The following STK32B variants were observed in gnomAD, a reference collection of about 807,000 sequenced individuals.
The protein encoded by STK32B is serine/threonine-protein kinase 32B.
STK32B carries 43 observed loss-of-function variants against 52.6 expected under a neutral mutation model. The observed-to-expected ratio is 0.82, with a 90% CI of 0.64 to 1.05. The LOEUF (loss-of-function observed/expected upper bound fraction) is 1.05, where lower values mean the gene tolerates loss of function less well. Among genes scored for constraint, STK32B ranks in the 50% least tolerant of loss-of-function variants. STK32B has a pLI of 0.00. For synonymous variants in STK32B, 238 were observed against 204.3 expected (o/e 1.17, Z -1.41); for missense variants, 621 against 534.6 (o/e 1.16, Z -1.59).
At chr4:5,042,900 A>G in the STK32B span, among the ~76,000 whole-genome samples, 1 of 151,752 alleles carries the variant, frequency 6.6e-6, no homozygotes, top group Non-Finnish European at 1.5e-5. Flanking sequence ...AGGTCAGGAG[A>G]TCGAGACCAT....
At chr4:5,242,868 G>C (rs1420349915) in intron 3 of STK32B, among the ~76,000 whole-genome samples, 2 of 152,142 alleles carry the variant, frequency 1.3e-5, no homozygotes, top group African/African-American at 4.8e-5. Context: ...TCTCAGGTTT[G>C]TCAAAGATCA....
intron 11 of STK32B, among the ~76,000 whole-genome samples, chr4:5,487,453 G>C (rs528216240): frequency 6.6e-6 from 1 of 152,292 alleles, no homozygotes; most frequent in African/African-American, 2.4e-5. Context: ...CAATTAGTTT[G>C]TACAATGATT....
At chr4:5,155,920 G>C (rs2108713133) in intron 2 of STK32B, among the ~76,000 whole-genome samples, 1 of 152,136 alleles carries the variant, frequency 6.6e-6, no homozygotes, top group Admixed American at 6.5e-5. Context: ...TATATACACA[G>C]TGTCTAAGCA....
upstream of STK32B, among the ~76,000 whole-genome samples, chr4:5,051,031 A>C (rs1741747637): frequency 6.6e-6 from 1 of 152,174 alleles, no homozygotes; most frequent in African/African-American, 2.4e-5. Context: ...AGATACTTTC[A>C]TTCATTAAAC....
chr4:5,148,277 T>C (rs1429551783), intron 2 of STK32B, among the ~76,000 whole-genome samples: 3 of 151,806 alleles, frequency 2.0e-5, no homozygotes, highest in Non-Finnish European at 3.0e-5. Context: ...CAGTTTGCCT[T>C]CTTTCTCTTA....
At chr4:5,411,407 G>C (rs1234790873) in intron 5 of STK32B, among the ~76,000 whole-genome samples, 1 of 151,966 alleles carries the variant, frequency 6.6e-6, no homozygotes, top group Non-Finnish European at 1.5e-5. Flanking sequence ...GATAAAAAGT[G>C]GTCAAAAATG....
chr4:5,053,765 C>G (rs968459245), intron 1 of STK32B, among the ~76,000 whole-genome samples: 2 of 151,996 alleles, frequency 1.3e-5, no homozygotes, highest in Non-Finnish European at 2.9e-5. Flanking sequence ...GACGGATCAC[C>G]TGAGGTCAGG....
chr4:5,141,337 T>A (rs968680208), intron 2 of STK32B, among the ~76,000 whole-genome samples: 1 of 152,158 alleles, frequency 6.6e-6, no homozygotes, highest in Non-Finnish European at 1.5e-5. Context: ...ACAGGCAAGT[T>A]CCAGGCAGAG....
chr4:5,242,984 T>C (rs905019386), intron 3 of STK32B, among the ~76,000 whole-genome samples: 2 of 152,222 alleles, frequency 1.3e-5, no homozygotes, highest in Non-Finnish European at 2.9e-5. Flanking sequence ...ACTGTAGCCT[T>C]GTAGTATGGT....
chr4:5,393,460 G>A (rs1282764616), intron 4 of STK32B, among the ~76,000 whole-genome samples: 6 of 152,158 alleles, frequency 3.9e-5, no homozygotes, highest in Admixed American at 3.3e-4. Context: ...AAGAAAAGAG[G>A]TTTCATTGAC....
At chr4:5,226,688 A>C (rs1165408185) in intron 3 of STK32B, among the ~76,000 whole-genome samples, 1 of 152,204 alleles carries the variant, frequency 6.6e-6, no homozygotes, top group African/African-American at 2.4e-5. Context: ...AAGAGAAGTG[A>C]AGTTGGCAAT....
At chr4:5,431,907 T>G (rs1444395216) in intron 6 of STK32B, among the ~76,000 whole-genome samples, 4 of 152,240 alleles carry the variant, frequency 2.6e-5, no homozygotes, top group Non-Finnish European at 2.9e-5. Flanking sequence ...GGCATGCTAC[T>G]TATCTCTTCT....
intron 1 of STK32B, among the ~76,000 whole-genome samples, chr4:5,108,122 G>A (rs1001786279): frequency 2.0e-5 from 3 of 152,150 alleles, no homozygotes; most frequent in African/African-American, 7.2e-5. Context: ...GGTTTGGAAC[G>A]TTATAAATGG....
chr4:5,087,948 G>A (rs1191409926), intron 1 of STK32B, among the ~76,000 whole-genome samples: 3 of 151,972 alleles, frequency 2.0e-5, no homozygotes, highest in Non-Finnish European at 4.4e-5. Context: ...AACTATAACT[G>A]ATGGACATGT....
intron 4 of STK32B, among the ~76,000 whole-genome samples, chr4:5,387,749 C>A (rs140006477): frequency 6.6e-6 from 1 of 152,008 alleles, no homozygotes; most frequent in East Asian, 1.9e-4. Flanking sequence ...TTTTTTTATT[C>A]GTTTGTTTGT....
chr4:5,438,969 G>A (rs372977269), intron 6 of STK32B, among the ~76,000 whole-genome samples: 10 of 151,588 alleles, frequency 6.6e-5, no homozygotes, highest in East Asian at 1.9e-4. Context: ...TCCATGGTGT[G>A]TATGTGCCAC....
At position 5,346,860 on chromosome 4, in the gene STK32B, G is replaced by A. The variant is rs79098905; in HGVS notation, c.434+15467G>A. 3.3e-5 allele frequency among the ~76,000 whole-genome samples: 5 copies of A among 152,166 alleles called. 1 individual carries two copies. The highest frequency in any genetic ancestry group is 3.8e-4 in the East Asian group (2 of 5,198). On this transcript the variant is annotated intron_variant, in intron 4 of 11. Transcript: ENST00000282908. ...AATTGACTCACGGTTCTTCATGGCC[G>A]GGTAGGCCTCAGGAAACTTACAATC...
chr4:5,143,120 T>TGTCTGTCTGTCC lies in STK32B; in HGVS notation c.108+3171_108+3172insCGTCTGTCTGTC, dbSNP rs1463652081. 6.7e-5 allele frequency among the ~76,000 whole-genome samples: 10 copies of TGTCTGTCTGTCC among 149,492 alleles called. No homozygotes were observed. The South Asian group carries it at 6.7e-4, about 10-fold the overall frequency. On this transcript the variant is annotated intron_variant, in intron 2 of 11. Coordinates refer to ENST00000282908, the MANE Select transcript of STK32B (RefSeq NM_018401.3). ...CTCTGTCTCTGTCTGTCTGTCTGTCTGTCTGTCTGTCTATCTGTCTGTCTA... is the reference window on the plus strand; with the variant it reads ...CTCTGTCTCTGTCTGTCTGTCTGTCTGTCTGTCTGTCCGTCTGTCTGTCTATCTGTCTGTCTA...
chr4:5,390,873 T>C (rs1577434211), intron 4 of STK32B, among the ~76,000 whole-genome samples: 1 of 151,932 alleles, frequency 6.6e-6, no homozygotes, highest in Non-Finnish European at 1.5e-5. Flanking sequence ...AGGCAATCTG[T>C]GCTATGCCAT....
Sources: gnomAD v4.1 joint callset for allele counts (sites outside exome capture counted in the v4.1 genomes callset) on GRCh38, gnomAD v4.1.1 for gene constraint, MANE v1.5 for transcripts, NCBI Gene and HGNC (gene_info 2026-07-23, HGNC 2026-07-21) for gene names.